PCDHA12: variants seen among roughly 807,000 people sequenced by gnomAD.
PCDHA12 encodes protocadherin alpha 12.
A neutral mutation model predicts 60.0 loss-of-function variants in PCDHA12; 44 were observed. The observed-to-expected ratio is 0.73, with a 90% confidence interval of 0.58 to 0.94. The LOEUF is 0.94. PCDHA12 is among the 40% of genes least tolerant of loss of function. PCDHA12 has a pLI of 0.00. For synonymous variants in PCDHA12, 569 were observed against 553.0 expected (o/e 1.03, Z -0.40); for missense variants, 1,276 against 1,239.7 (o/e 1.03, Z -0.44).
chr5:140,967,833 T>C, intron 1 of PCDHA12: 1 of 1,614,132 alleles, frequency 6.2e-7, no homozygotes, highest in Non-Finnish European at 8.5e-7. Context: ...GTGGACATCG[T>C]GGACGTGAAT....
At chr5:140,992,271 T>C (rs1375901464) in intron 3 of PCDHA12, among the ~76,000 whole-genome samples, 1 of 152,184 alleles carries the variant, frequency 6.6e-6, no homozygotes, top group African/African-American at 2.4e-5. Flanking sequence ...GTTCTTTTCG[T>C]AGCACATCCC....
intron 1 of PCDHA12, among the ~76,000 whole-genome samples, chr5:140,957,285 G>GT (rs1554222913): frequency 6.6e-6 from 1 of 152,144 alleles, no homozygotes; most frequent in Non-Finnish European, 1.5e-5. Flanking sequence ...CTTACCTGCA[G>GT]TTTCACTCTG....
chr5:140,883,973 G>A (rs782157297), intron 1 of PCDHA12: 45 of 1,612,722 alleles, frequency 2.8e-5, no homozygotes, highest in Non-Finnish European at 3.5e-5. Flanking sequence ...GCTGACGCCC[G>A]GGGCTGGCAG....
chr5:140,951,841 AAAAGTCC>A (rs1266500275), intron 1 of PCDHA12, among the ~76,000 whole-genome samples: 1 of 152,182 alleles, frequency 6.6e-6, no homozygotes, highest in African/African-American at 2.4e-5. Context: ...GCATTAAGCC[AAAAGTCC>A]AAAGTCCAAA....
intron 1 of PCDHA12, chr5:140,882,226 G>A (rs778262653): frequency 1.3e-6 from 2 of 1,564,150 alleles, no homozygotes; most frequent in Non-Finnish European, 1.7e-6. Context: ...GAGGTAAGGC[G>A]TTGTATATAT....
intron 3 of PCDHA12, among the ~76,000 whole-genome samples, chr5:141,004,948 C>T (rs1356526927): frequency 6.6e-6 from 1 of 152,236 alleles, no homozygotes; most frequent in African/African-American, 2.4e-5. Context: ...TTCTTACCCT[C>T]TCTCGTCACT....
chr5:140,928,659 C>T (rs782522131), intron 1 of PCDHA12: 2 of 1,614,080 alleles, frequency 1.2e-6, no homozygotes, highest in African/African-American at 2.7e-5. Context: ...AGGATGCTGA[C>T]AGTGGTTCTA....
At chr5:140,901,207 T>C (rs894216497) in intron 1 of PCDHA12, among the ~76,000 whole-genome samples, 1 of 152,206 alleles carries the variant, frequency 6.6e-6, no homozygotes, top group Non-Finnish European at 1.5e-5. Context: ...AGAAGGTTTT[T>C]AAGTTGATGT....
chr5:140,932,063 T>C (rs1020375496), intron 1 of PCDHA12, among the ~76,000 whole-genome samples: 8 of 151,942 alleles, frequency 5.3e-5, no homozygotes, highest in African/African-American at 1.4e-4. Context: ...CTAAAAATTA[T>C]CAGTTTAAGA....
intron 1 of PCDHA12, among the ~76,000 whole-genome samples, chr5:140,905,531 C>T (rs2071895291): frequency 6.6e-6 from 1 of 151,776 alleles, no homozygotes; most frequent in African/African-American, 2.4e-5. Context: ...TTTTTTGGTT[C>T]CATATGAACT....
chr5:140,877,161 G>A lies in PCDHA12; in HGVS notation c.1689G>A (p.Pro563=). Residue 563 remains proline, a synonymous_variant, in exon 1 of 4, where the codon CCG becomes CCA. Coordinates refer to ENST00000398631, the MANE Select transcript of PCDHA12 (RefSeq NM_018903.4). ...TGCTGGACGAGAACGACAACGCGCC[G>A]GCACTGCTGGCGACTCCGGCTGGCA... is the stretch of plus-strand genomic sequence containing the variant. ...VFVLDENDNA[P]ALLATPAGSA... The A allele has an allele frequency of 6.2e-7, 1 of 1,613,828 alleles. No homozygotes were observed. Among genetic ancestry groups the A allele is most frequent in the South Asian group, 1.1e-5 (1 of 91,076 alleles).
intron 1 of PCDHA12, chr5:140,883,399 T>C (rs143292342): frequency 3.1e-5 from 50 of 1,614,100 alleles, no homozygotes; most frequent in Non-Finnish European, 4.1e-5. Flanking sequence ...TGTCCGATCG[T>C]GACTCTGGCT....
At chr5:140,959,343 C>T (rs1370310453) in intron 1 of PCDHA12, among the ~76,000 whole-genome samples, 1 of 152,052 alleles carries the variant, frequency 6.6e-6, no homozygotes, top group Admixed American at 6.6e-5. Context: ...CTACTGCACT[C>T]CAGCGGGACA....
intron 1 of PCDHA12, chr5:140,927,791 G>C: frequency 6.2e-7 from 1 of 1,614,196 alleles, no homozygotes; most frequent in Admixed American, 1.7e-5. Context: ...GCTTCACTAG[G>C]TCCGCCTGAA....
At chr5:140,950,043 A>T (rs1011500100) in intron 1 of PCDHA12, among the ~76,000 whole-genome samples, 1 of 151,950 alleles carries the variant, frequency 6.6e-6, no homozygotes, top group Non-Finnish European at 1.5e-5. Flanking sequence ...TTACAACCAT[A>T]TAAGACTATT....
In PCDHA12 at chr5:140,877,006, G is replaced by A; in HGVS notation, c.1534G>A (p.Ala512Thr). Residue 512 changes from alanine (A) to threonine (T), a missense_variant, in exon 1 of 4, where the codon GCG (alanine) becomes ACG (threonine). Transcript: ENST00000398631. ...ACTGTCGAGCTACGTGTCGGTGCAC[G>A]CGGAGAGCGGCAAGGTGTACGCGCT... ...HALSSYVSVH[A>T]ESGKVYALQP... 1 of 1,612,484 alleles carries A rather than the reference G, an allele frequency of 6.2e-7. No individual in the cohort carries two copies. Among genetic ancestry groups the A allele is most frequent in the Non-Finnish European group, 8.5e-7 (1 of 1,179,800 alleles).
intron 3 of PCDHA12, among the ~76,000 whole-genome samples, chr5:140,997,525 A>G (rs1293979369): frequency 6.6e-6 from 1 of 152,242 alleles, no homozygotes; most frequent in African/African-American, 2.4e-5. Flanking sequence ...AAAAAGTACA[A>G]TAAAAATACA....
At chr5:140,906,995 C>T (rs1177237804) in intron 1 of PCDHA12, among the ~76,000 whole-genome samples, 1 of 152,164 alleles carries the variant, frequency 6.6e-6, no homozygotes, top group Non-Finnish European at 1.5e-5. Flanking sequence ...GCATTCCTCC[C>T]TCTGGAACTA....
chr5:140,996,944 ATATT>A (rs2097754010), intron 3 of PCDHA12, among the ~76,000 whole-genome samples: 1 of 152,144 alleles, frequency 6.6e-6, no homozygotes, highest in Non-Finnish European at 1.5e-5. Flanking sequence ...TTGCATAGAA[ATATT>A]TATTTCCCTC....
Sources: gnomAD v4.1 joint callset for allele counts (sites outside exome capture counted in the v4.1 genomes callset) on GRCh38, gnomAD v4.1.1 for gene constraint, MANE v1.5 for transcripts, NCBI Gene and HGNC (gene_info 2026-07-23, HGNC 2026-07-21) for gene names.